The following SLIT1 variants were observed in gnomAD, a reference collection of about 807,000 sequenced individuals.
SLIT1 encodes slit homolog 1 protein.
In SLIT1, 66 loss-of-function variants were observed where a neutral mutation model predicts 186.1. The ratio of observed to expected loss-of-function variants is 0.35; its 90% CI spans 0.29 to 0.44. SLIT1 has a LOEUF of 0.44. Among genes scored for constraint, SLIT1 ranks in the 20% least tolerant of loss-of-function variants. The pLI, the probability that SLIT1 is intolerant of heterozygous loss-of-function variation, is 1.00. For missense variants in SLIT1, 1,638 were observed against 2,037.4 expected (o/e 0.80, Z 3.77); for synonymous variants, 761 against 833.8 (o/e 0.91, Z 1.50).
chr10:97,031,160 G>C (rs776742398), intron 24 of SLIT1, among the ~76,000 whole-genome samples: 1 of 152,044 alleles, frequency 6.6e-6, no homozygotes, highest in Non-Finnish European at 1.5e-5. Flanking sequence ...GACAGCCACA[G>C]GTTAGGGCTG....
At chr10:97,057,116 T>A in intron 12 of SLIT1, 94 bp downstream of exon 12, 1 of 931,404 alleles carries the variant, frequency 1.1e-6, no homozygotes, top group Non-Finnish European at 1.7e-6. Flanking sequence ...TTGAGTCCCA[T>A]ACCCAAGAGA....
At chr10:97,046,166 C>A (rs1318994544) in intron 18 of SLIT1, among the ~76,000 whole-genome samples, 1 of 152,172 alleles carries the variant, frequency 6.6e-6, no homozygotes, top group African/African-American at 2.4e-5. Flanking sequence ...CATGGAGGAG[C>A]AGATGACCCC....
At chr10:97,141,114 T>A (rs1396327049) in intron 4 of SLIT1, among the ~76,000 whole-genome samples, 2 of 152,174 alleles carry the variant, frequency 1.3e-5, no homozygotes, top group East Asian at 3.9e-4. Context: ...TATCAGACCC[T>A]GGCTCCCGAC....
In SLIT1 at chr10:97,086,395, C is replaced by T. The variant is rs1362677128; in HGVS notation, c.414-20309G>A. ...GACCAGCCTGGCCAAAATGGTGAAA[C>T]TCTGTCTCTACTAAAAAAAAAAAAA... On this transcript the variant is annotated intron_variant, in intron 4 of 36. Transcript: ENST00000266058. Among the ~76,000 whole-genome samples the T allele has an allele frequency of 5.3e-5, 8 of 151,696 alleles. No individual in the cohort carries two copies. In the South Asian group the frequency reaches 1.7e-3, roughly 32 times the overall value.
At chr10:97,109,286 T>A (rs1240473845) in intron 4 of SLIT1, among the ~76,000 whole-genome samples, 2 of 152,056 alleles carry the variant, frequency 1.3e-5, no homozygotes, top group Non-Finnish European at 2.9e-5. Flanking sequence ...TGACACTTAG[T>A]AAGTCACAAT....
Position 97,018,674 on chromosome 10 carries a change from A to C in SLIT1, c.2881T>G (p.Cys961Gly), listed in dbSNP as rs148321620. Residue 961 changes from cysteine to glycine, a missense_variant, in exon 28 of 37, where the codon TGT (cysteine) becomes GGT (glycine). Physicochemically the swap from Cys to Gly is radical, Grantham distance 159. Transcript: ENST00000266058. ...ACPSGYKGRDCEVSLDSCSSG... is the reference protein window; with the variant it reads ...ACPSGYKGRDGEVSLDSCSSG... ...GAACAGCTGTCCAGGGACACCTCAC[A>C]GTCTCGACCCTGGGGGGAAAGTCAG... is the stretch of plus-strand genomic sequence containing the variant. 2 of 1,582,588 alleles carry C rather than the reference A, an allele frequency of 1.3e-6. No individual in the cohort carries two copies. The highest frequency in any genetic ancestry group is 1.7e-6 in the Non-Finnish European group (2 of 1,163,998).
At chr10:97,072,177 G>C (rs982058111) in intron 4 of SLIT1, among the ~76,000 whole-genome samples, 23 of 152,098 alleles carry the variant, frequency 1.5e-4, no homozygotes, top group African/African-American at 5.6e-4. Flanking sequence ...TATTTATTTA[G>C]AGACAGCATC....
intron 4 of SLIT1, among the ~76,000 whole-genome samples, chr10:97,078,413 C>T (rs1253836294): frequency 1.3e-5 from 2 of 152,196 alleles, no homozygotes; most frequent in African/African-American, 2.4e-5. Flanking sequence ...CAGGCAGAGA[C>T]ATTAAGCAGC....
At chr10:97,105,846 A>G (rs569292306) in intron 4 of SLIT1, among the ~76,000 whole-genome samples, 15 of 152,180 alleles carry the variant, frequency 9.9e-5, no homozygotes, top group Admixed American at 9.8e-4. Context: ...AGAGAAATTG[A>G]CCAGCCAGAA....
chr10:97,003,118 A>C, intron 34 of SLIT1, 126 bp from the exon 35 acceptor site: 2 of 899,460 alleles, frequency 2.2e-6, no homozygotes, highest in Non-Finnish European at 3.4e-6. Context: ...TCATCTCTGC[A>C]ACCCTGATCC....
chr10:97,056,542 C>T (rs2306951), intron 12 of SLIT1, 78 bp from the exon 13 acceptor site: 129,187 of 1,467,206 alleles, frequency 0.088, 6,051 homozygotes, highest in African/African-American at 0.16. Flanking sequence ...GCACCTTCTT[C>T]AGTCCCGGCC....
Position 96,998,089 on chromosome 10 carries a change from A to G in SLIT1, c.*3023T>C, listed in dbSNP as rs1214926408. 6.6e-6 allele frequency: 1 copy of G among 152,258 alleles called. No homozygotes were observed. 9.4% of individuals were successfully genotyped at this position (152,258 alleles called of 1,614,324 possible). On this transcript the variant is annotated 3_prime_UTR_variant, in exon 37 of 37. Transcript: ENST00000266058. ...ATGGAAGACAACAGACAATATCGACATAGTCTAAAACAATACTTCCAGGGC... is the reference window on the plus strand; with the variant it reads ...ATGGAAGACAACAGACAATATCGACGTAGTCTAAAACAATACTTCCAGGGC...
At chr10:97,060,920 C>T (rs1416304377) in intron 8 of SLIT1, 133 bp from the exon 9 acceptor site, 2 of 981,440 alleles carry the variant, frequency 2.0e-6, no homozygotes, top group Non-Finnish European at 2.9e-6. Context: ...GAGGGGATCA[C>T]TAATGAAATA....
At chr10:97,060,009 T>C in intron 10 of SLIT1, 78 bp downstream of exon 10, 1 of 1,250,076 alleles carries the variant, frequency 8.0e-7, no homozygotes, top group South Asian at 1.2e-5. Context: ...AGTTAGGGCC[T>C]GCCCCAGGGC....
intron 20 of SLIT1, among the ~76,000 whole-genome samples, chr10:97,042,148 T>A (rs1024219493): frequency 6.6e-6 from 1 of 152,158 alleles, no homozygotes; most frequent in Non-Finnish European, 1.5e-5. Context: ...CACTGCCACG[T>A]GGCCTGGCCA....
At chr10:97,072,655 C>T (rs1849010445) in intron 4 of SLIT1, among the ~76,000 whole-genome samples, 1 of 152,174 alleles carries the variant, frequency 6.6e-6, no homozygotes, top group Non-Finnish European at 1.5e-5. Context: ...TAAATGAAGA[C>T]AGGAAAGTGA....
At chr10:97,104,899 G>A (rs963817414) in intron 4 of SLIT1, among the ~76,000 whole-genome samples, 3 of 152,138 alleles carry the variant, frequency 2.0e-5, no homozygotes, top group South Asian at 4.1e-4. Context: ...CATCCTTGAC[G>A]CTGGTCTCAT....
At chr10:97,115,610 A>C (rs528403341) in intron 4 of SLIT1, among the ~76,000 whole-genome samples, 3 of 151,990 alleles carry the variant, frequency 2.0e-5, no homozygotes, top group Non-Finnish European at 2.9e-5. Flanking sequence ...GGCCTGGAAG[A>C]GCCCTGGGCA....
At chr10:97,040,331 G>A (rs1170915700) in intron 20 of SLIT1, among the ~76,000 whole-genome samples, 1 of 152,180 alleles carries the variant, frequency 6.6e-6, no homozygotes, top group African/African-American at 2.4e-5. Context: ...GTTAAAATAG[G>A]TCTTGAGTTG....
Sources: allele counts gnomAD v4.1 joint callset (sites outside exome capture counted in the v4.1 genomes callset), GRCh38; gene constraint gnomAD v4.1.1; transcripts MANE v1.5; gene names NCBI Gene and HGNC (gene_info 2026-07-23, HGNC 2026-07-21).